Variants in ZFP62 observed in about 807,000 individuals in gnomAD.
ZFP62 encodes the protein ZFP62 zinc finger protein.
In ZFP62, 44 loss-of-function variants were observed where a neutral mutation model predicts 56.4. The ratio of observed to expected loss-of-function variants is 0.78; its 90% CI spans 0.61 to 1.00. ZFP62 has a LOEUF of 1.00. Ranked by LOEUF, ZFP62 falls within the 50% of genes least tolerant of loss-of-function variation. The pLI is 0.00. For missense variants in ZFP62, 1,030 were observed against 1,085.7 expected (o/e 0.95, Z 0.72); for synonymous variants, 421 against 388.9 (o/e 1.08, Z -0.97).
the ZFP62 span, among the ~76,000 whole-genome samples, chr5:180,827,309 G>A: frequency 2.0e-5 from 3 of 152,204 alleles, no homozygotes; most frequent in Non-Finnish European, 4.4e-5. Flanking sequence ...TACTGTGTCT[G>A]TATAGAAAGA....
the ZFP62 span, among the ~76,000 whole-genome samples, chr5:180,828,718 T>TG: frequency 1.3e-5 from 2 of 152,050 alleles, no homozygotes; most frequent in Non-Finnish European, 2.9e-5. Context: ...AAGAACAGAA[T>TG]AACAGCAATT....
At chr5:180,840,448 G>A in the ZFP62 span, among the ~76,000 whole-genome samples, 3 of 152,132 alleles carry the variant, frequency 2.0e-5, no homozygotes, top group Non-Finnish European at 2.9e-5. Flanking sequence ...ACTGGGAAAC[G>A]TAACTCTTCC....
chr5:180,851,235 C>G lies in ZFP62; in HGVS notation c.260G>C (p.Gly87Ala). The G allele has an allele frequency of 6.4e-7, 1 of 1,551,620 alleles. No homozygotes were observed. Reference sequence around the variant, plus strand: ...ATGCAAGCTCTTCTCAGATGCCTCACCTTCCTGTTCTGTCTTTATATTTGC... The same window carrying G: ...ATGCAAGCTCTTCTCAGATGCCTCAGCTTCCTGTTCTGTCTTTATATTTGC... ...STANIKTEQEGEASEKSLHLS... is the reference protein window; with the variant it reads ...STANIKTEQEAEASEKSLHLS... Residue 87 changes from glycine (G) to alanine (A), a missense_variant, in exon 2 of 2, where the codon GGT becomes GCT. Gly to Ala is a moderately conservative substitution (Grantham distance 60, BLOSUM62 0). Coordinates refer to ENST00000502412, the MANE Select transcript of ZFP62 (RefSeq NM_001172638.2).
chr5:180,839,601 G>A, the ZFP62 span, among the ~76,000 whole-genome samples: 1 of 152,262 alleles, frequency 6.6e-6, no homozygotes, highest in African/African-American at 2.4e-5. Context: ...CAGACACTGA[G>A]GCCTACTTGA....
In ZFP62 at chr5:180,848,278, ATACT is replaced by A; in HGVS notation, c.*510_*513del. On this transcript the variant is annotated 3_prime_UTR_variant, in exon 2 of 2. Transcript: ENST00000502412. ...CTCCCAAACCAATTACATCAAGTTT[ATACT>A]TAAAGACCACTAATATTAAATAAAT... is the stretch of plus-strand genomic sequence containing the variant. 1.0e-6 allele frequency: 1 copy of A among 985,540 alleles called. No individual in the cohort carries two copies. Among genetic ancestry groups the A allele is most frequent in the Non-Finnish European group, 1.2e-6 (1 of 830,016 alleles). The allele number at this position is 985,540 out of a possible 1,614,324, so 61.0% of individuals were successfully genotyped here.
At chr5:180,854,297 A>AT (rs375488954) in intron 1 of ZFP62, among the ~76,000 whole-genome samples, 108 of 152,364 alleles carry the variant, frequency 7.1e-4, no homozygotes, top group African/African-American at 2.5e-3. Context: ...AAGCACCGTA[A>AT]TAACTAAGTA....
the ZFP62 span, among the ~76,000 whole-genome samples, chr5:180,828,070 G>A: frequency 6.6e-6 from 1 of 152,148 alleles, no homozygotes; most frequent in South Asian, 2.1e-4. Flanking sequence ...AAATACTAAG[G>A]GAACTCAGAG....
At chr5:180,840,256 T>G in the ZFP62 span, among the ~76,000 whole-genome samples, 1 of 152,336 alleles carries the variant, frequency 6.6e-6, no homozygotes, top group Admixed American at 6.5e-5. Flanking sequence ...GATCCCTGGC[T>G]TCTCCTAAAT....
chr5:180,859,139 A>C (rs916548031), intron 1 of ZFP62, among the ~76,000 whole-genome samples: 9 of 152,032 alleles, frequency 5.9e-5, no homozygotes, highest in African/African-American at 1.9e-4. Flanking sequence ...CTGGCCGAAA[A>C]CCCCTTCCTA....
At chr5:180,851,877 A>C (rs1369007560) in intron 1 of ZFP62, 7 of 306,208 alleles carry the variant, frequency 2.3e-5, no homozygotes, top group Non-Finnish European at 3.4e-5. Context: ...TCTCTGAAGA[A>C]GACAGAAAAA....
the ZFP62 span, among the ~76,000 whole-genome samples, chr5:180,840,417 G>A: frequency 1.3e-5 from 2 of 152,310 alleles, no homozygotes; most frequent in East Asian, 3.9e-4. Context: ...GATTCTAGGT[G>A]TGGGTAGAGA....
chr5:180,857,594 T>C (rs920384693), intron 1 of ZFP62, among the ~76,000 whole-genome samples: 6 of 152,084 alleles, frequency 3.9e-5, no homozygotes, highest in Non-Finnish European at 8.8e-5. Context: ...ACCACCCAGG[T>C]TCAAGCGATT....
rs1773655819 is a variant in ZFP62 at position 180,850,825 on chromosome 5, T to A, written c.670A>T (p.Asn224Tyr). The A allele has an allele frequency of 6.4e-7, 1 of 1,567,664 alleles. No individual in the cohort carries two copies. The highest frequency in any genetic ancestry group is 1.4e-5 in the African/African-American group (1 of 73,348). ...TTTCCACATTCATCACATTTACAGTTCTTCTCCCCAGAATGGGTGCTTTTG... is the reference window on the plus strand; with the variant it reads ...TTTCCACATTCATCACATTTACAGTACTTCTCCCCAGAATGGGTGCTTTTG... The part of the protein sequence containing the change: ...NHKSTHSGEK[N>Y]CKCDECGKSF... Residue 224 changes from asparagine (N) to tyrosine (Y), a missense_variant, in exon 2 of 2, where the codon AAC (asparagine) becomes TAC (tyrosine). Transcript: ENST00000502412.
downstream of ZFP62, among the ~76,000 whole-genome samples, chr5:180,844,129 T>C (rs1049429881): frequency 7.2e-5 from 11 of 152,250 alleles, no homozygotes; most frequent in Non-Finnish European, 7.3e-5. Flanking sequence ...TTTGTTGTGT[T>C]TGCTGTTTCA....
At chr5:180,839,065 G>A in the ZFP62 span, among the ~76,000 whole-genome samples, 1 of 152,184 alleles carries the variant, frequency 6.6e-6, no homozygotes, top group Non-Finnish European at 1.5e-5. Flanking sequence ...GAGTGTACTA[G>A]GAAACCCTTA....
At chr5:180,846,835 ATCC>A (rs1456386588), downstream of ZFP62, among the ~76,000 whole-genome samples, 3 of 152,186 alleles carry the variant, frequency 2.0e-5, no homozygotes, top group East Asian at 1.9e-4. Context: ...TGCCTAGTAG[ATCC>A]TCAAGTATTT....
downstream of ZFP62, among the ~76,000 whole-genome samples, chr5:180,844,832 A>T (rs1374102606): frequency 6.6e-6 from 1 of 152,164 alleles, no homozygotes; most frequent in Non-Finnish European, 1.5e-5. Flanking sequence ...GATTTCCTTG[A>T]CTTCCAGGTA....
At chr5:180,835,587 C>T in the ZFP62 span, 4 of 152,210 alleles carry the variant, frequency 2.6e-5, no homozygotes, top group African/African-American at 7.2e-5. Flanking sequence ...TTTCTTACCA[C>T]GGTAACTGTT....
Position 180,848,751 on chromosome 5 carries a change from T to C in ZFP62, c.*41A>G. 1 of 1,468,636 alleles carries C rather than the reference T, an allele frequency of 6.8e-7. No individual in the cohort carries two copies. The highest frequency in any genetic ancestry group is 9.0e-7 in the Non-Finnish European group (1 of 1,107,570). The allele number at this position is 1,468,636 out of a possible 1,614,324, so 91.0% of individuals were successfully genotyped here. A position where few individuals can be genotyped will look rare whatever the true frequency, so the allele number is the denominator to read the frequency against. Reference sequence around the variant, plus strand: ...TACATTCTTACATTCATAAGGTATTTCTTCCATTTGAGTTCGGAGAGACTT... The same window carrying C: ...TACATTCTTACATTCATAAGGTATTCCTTCCATTTGAGTTCGGAGAGACTT... On this transcript the variant is annotated 3_prime_UTR_variant, in exon 2 of 2. Transcript: ENST00000502412.
Sources: gnomAD v4.1 joint callset for allele counts (sites outside exome capture counted in the v4.1 genomes callset) on GRCh38, gnomAD v4.1.1 for gene constraint, MANE v1.5 for transcripts, NCBI Gene and HGNC (gene_info 2026-07-23, HGNC 2026-07-21) for gene names.